The following DIAPH3 variants were observed in gnomAD, a reference collection of about 807,000 sequenced individuals.
The protein encoded by DIAPH3 is diaphanous related formin 3, also known as protein diaphanous homolog 3.
DIAPH3 carries 117 observed loss-of-function variants against 144.3 expected under a neutral mutation model. The observed-to-expected ratio is 0.81, with a 90% CI of 0.70 to 0.95. The LOEUF is 0.95. Among genes scored for constraint, DIAPH3 ranks in the 40% least tolerant of loss-of-function variants. The pLI is 0.00. For synonymous variants in DIAPH3, 519 were observed against 488.9 expected, an observed-to-expected ratio of 1.06 and a Z score of -0.81; for missense variants, 1,421 against 1,412.7, an observed-to-expected ratio of 1.01 and a Z score of -0.09.
At chr13:60,023,925 A>G (rs7982189) in intron 5 of DIAPH3, among the ~76,000 whole-genome samples, 108,050 of 142,478 alleles carry the variant, frequency 0.76, 40,863 homozygotes, top group Admixed American at 0.81. Context: ...GCACAATCTC[A>G]GCTCATTGCA....
At chr13:59,786,232 T>C (rs376293195) in intron 25 of DIAPH3, among the ~76,000 whole-genome samples, 1 of 152,306 alleles carries the variant, frequency 6.6e-6, no homozygotes, top group African/African-American at 2.4e-5. Context: ...ATTTATTACA[T>C]TGTATCCAAA....
At chr13:59,805,439 G>A (rs1024615680) in intron 25 of DIAPH3, among the ~76,000 whole-genome samples, 5 of 151,984 alleles carry the variant, frequency 3.3e-5, no homozygotes, top group African/African-American at 1.2e-4. Context: ...GAAGAGTTAT[G>A]CATTTTAAAT....
chr13:59,967,005 T>G lies in DIAPH3; in HGVS notation c.2074+2939A>C, dbSNP rs552755013. On this transcript the variant is annotated intron_variant, in intron 17 of 27. Coordinates refer to ENST00000400324, the MANE Select transcript of DIAPH3 (RefSeq NM_001042517.2). ...AGACAAATGGATTTTCACCTTGGAG[T>G]GAACAATACATAAGTGACCAGGTTT... Among the ~76,000 whole-genome samples the G allele has an allele frequency of 2.0e-5, 3 of 152,188 alleles. No homozygotes were observed. The East Asian group carries it at 5.8e-4, about 29-fold the overall frequency.
chr13:59,898,291 C>T (rs1237536433), intron 20 of DIAPH3, among the ~76,000 whole-genome samples: 7 of 152,022 alleles, frequency 4.6e-5, no homozygotes, highest in African/African-American at 1.5e-4. Flanking sequence ...TCTATATTCA[C>T]GTATATTTTA....
At chr13:60,130,742 C>T (rs184995803) in intron 2 of DIAPH3, among the ~76,000 whole-genome samples, 112 of 152,214 alleles carry the variant, frequency 7.4e-4, no homozygotes, top group Middle Eastern at 6.8e-3. Context: ...AAGGTTTAAA[C>T]CATTGAGAAA....
intron 18 of DIAPH3, among the ~76,000 whole-genome samples, chr13:59,919,838 A>T (rs1810421802): frequency 6.6e-6 from 1 of 152,114 alleles, no homozygotes; most frequent in Admixed American, 6.5e-5. Flanking sequence ...ATTAAAATTA[A>T]TAGTAACTAC....
intron 5 of DIAPH3, among the ~76,000 whole-genome samples, chr13:60,033,429 T>G (rs893661374): frequency 6.6e-6 from 1 of 152,232 alleles, no homozygotes; most frequent in African/African-American, 2.4e-5. Context: ...TTTAATTGGC[T>G]CATGGTTCTG....
chr13:60,015,430 T>C (rs1203773867), intron 7 of DIAPH3, among the ~76,000 whole-genome samples: 1 of 152,222 alleles, frequency 6.6e-6, no homozygotes, highest in Non-Finnish European at 1.5e-5. Context: ...TCATTGTAGA[T>C]TTTAAATTCC....
At chr13:59,704,088 A>T (rs980790191) in intron 27 of DIAPH3, among the ~76,000 whole-genome samples, 1 of 152,196 alleles carries the variant, frequency 6.6e-6, no homozygotes, top group African/African-American at 2.4e-5. Flanking sequence ...CTCAGCAAAA[A>T]TAGATCTTCT....
intron 24 of DIAPH3, among the ~76,000 whole-genome samples, chr13:59,826,862 C>T (rs1185825374): frequency 6.6e-6 from 1 of 151,974 alleles, no homozygotes; most frequent in Admixed American, 6.6e-5. Flanking sequence ...GAACACAGCC[C>T]TCAGAAATAA....
rs1181274485 is a variant in DIAPH3 at position 59,810,759 on chromosome 13, G to A, written c.3163+29C>T. On this transcript the variant is annotated intron_variant, in intron 25 of 27. Coordinates refer to ENST00000400324, the MANE Select transcript of DIAPH3 (RefSeq NM_001042517.2). Reference sequence around the variant, plus strand: ...CCCATATAAATCTTAAGTATACATAGAATAAATAACAAATTTGATAGTACT... The same window carrying A: ...CCCATATAAATCTTAAGTATACATAAAATAAATAACAAATTTGATAGTACT... 17 of 1,608,356 alleles carry A rather than the reference G, an allele frequency of 1.1e-5. No homozygotes were observed. In the South Asian group the frequency reaches 1.8e-4, roughly 17 times the overall value.
At chr13:59,716,387 G>A (rs2035062386) in intron 27 of DIAPH3, among the ~76,000 whole-genome samples, 1 of 152,162 alleles carries the variant, frequency 6.6e-6, no homozygotes, top group African/African-American at 2.4e-5. Context: ...ATGTTAGCCA[G>A]GATGGTCTCG....
At chr13:60,045,562 A>G (rs1566706820) in intron 4 of DIAPH3, among the ~76,000 whole-genome samples, 1 of 152,178 alleles carries the variant, frequency 6.6e-6, no homozygotes, top group Non-Finnish European at 1.5e-5. Flanking sequence ...AGACTATTGC[A>G]TTACTTACTT....
At position 60,010,714 on chromosome 13, in the gene DIAPH3, A is replaced by G. The variant is rs368887828; in HGVS notation, c.772-45T>C. On this transcript the variant is annotated intron_variant, in intron 7 of 27. Transcript: ENST00000400324. ...AGAGGTCAAATGTTAGAAATTAGTT[A>G]GAAAAATAATACCCTGAAGGAAATG... is the stretch of plus-strand genomic sequence containing the variant. 2.5e-6 allele frequency: 4 copies of G among 1,577,864 alleles called. No individual in the cohort carries two copies. In the African/African-American group the frequency reaches 5.4e-5, roughly 21 times the overall value.
chr13:60,139,671 T>C (rs938378052), intron 1 of DIAPH3, among the ~76,000 whole-genome samples: 1 of 152,170 alleles, frequency 6.6e-6, no homozygotes, highest in Non-Finnish European at 1.5e-5. Context: ...ATTATCATAT[T>C]GTGGCTTGGG....
intron 5 of DIAPH3, among the ~76,000 whole-genome samples, chr13:60,038,024 A>G (rs1006943324): frequency 3.3e-5 from 5 of 152,090 alleles, no homozygotes; most frequent in Non-Finnish European, 7.4e-5. Flanking sequence ...AAAACCAAAC[A>G]GTAGGTTAAT....
Position 59,997,262 on chromosome 13 carries a change from C to T in DIAPH3, c.1015-4679G>A, listed in dbSNP as rs535259702. ...TTTCCACTTTCTACATCCATGTGAT[C>T]ACAATTTTTAGCTCCAACATATAAG... On this transcript the variant is annotated intron_variant, in intron 9 of 27. Transcript: ENST00000400324. 4.6e-5 allele frequency among the ~76,000 whole-genome samples: 7 copies of T among 152,176 alleles called. 1 individual carries two copies. In the South Asian group the frequency reaches 1.5e-3, roughly 32 times the overall value.
intron 27 of DIAPH3, among the ~76,000 whole-genome samples, chr13:59,714,291 C>T (rs376317537): frequency 9.5e-4 from 131 of 137,792 alleles, no homozygotes; most frequent in Middle Eastern, 4.5e-3. Context: ...ACCCGGGAGG[C>T]GGAGCTTGCA....
At chr13:59,942,296 G>A (rs1405433067) in intron 17 of DIAPH3, among the ~76,000 whole-genome samples, 1 of 152,030 alleles carries the variant, frequency 6.6e-6, no homozygotes, top group East Asian at 1.9e-4. Flanking sequence ...CTTTCACTTT[G>A]AAAAGCTAAG....
Sources: gnomAD v4.1 joint callset for allele counts (sites outside exome capture counted in the v4.1 genomes callset) on GRCh38, gnomAD v4.1.1 for gene constraint, MANE v1.5 for transcripts, NCBI Gene and HGNC (gene_info 2026-07-23, HGNC 2026-07-21) for gene names.